Variants in DEFB112 observed in about 807,000 individuals in gnomAD.
DEFB112 encodes defensin beta 112, also known as beta-defensin 112.
A neutral mutation model predicts 1.1 loss-of-function variants in DEFB112; 2 were observed. The observed-to-expected ratio is 1.85, with a 90% confidence interval of 0.76 to 5.83. The LOEUF is 5.83. DEFB112 is among the 30% of genes most tolerant of loss of function. The probability of loss-of-function intolerance (pLI) is 0.05; values close to 1 mark genes in which losing one functional copy is unlikely to be tolerated. For missense variants in DEFB112, 120 were observed against 94.4 expected (o/e 1.27, Z -1.12); for synonymous variants, 40 against 31.2 (o/e 1.28, Z -0.93).
rs2113955903 is a variant in DEFB112, at chr6:50,042,989, A to G, written c.*586T>C. 6.6e-6 allele frequency among the ~76,000 whole-genome samples: 1 copy of G among 152,100 alleles called. No individual in the cohort carries two copies. Among genetic ancestry groups the G allele is most frequent in the South Asian group, 2.1e-4 (1 of 4,824 alleles). ...ATCGTTATTGCCACAAGCTACAGGG[A>G]TTTACCATTCTTCTTTTCCTTCCTC... On this transcript the variant is annotated 3_prime_UTR_variant, in exon 2 of 2. Coordinates refer to ENST00000651554, the MANE Select transcript of DEFB112 (RefSeq NM_001369057.2).
chr6:50,043,245 G>T lies in DEFB112; in HGVS notation c.*330C>A, dbSNP rs1582380434. 6.6e-6 allele frequency among the ~76,000 whole-genome samples: 1 copy of T among 151,902 alleles called. No homozygotes were observed. Among genetic ancestry groups the T allele is most frequent in the Non-Finnish European group, 1.5e-5 (1 of 67,944 alleles). Reference sequence around the variant, plus strand: ...GTCCCCACTCCTGAGTCTCCTCAAAGAATTCTTGATAATACCTCACTAATG... The same window carrying T: ...GTCCCCACTCCTGAGTCTCCTCAAATAATTCTTGATAATACCTCACTAATG... On this transcript the variant is annotated 3_prime_UTR_variant, in exon 2 of 2. Coordinates refer to ENST00000651554, the MANE Select transcript of DEFB112 (RefSeq NM_001369057.2).
At chr6:50,046,597 G>A (rs1300603395) in intron 1 of DEFB112, among the ~76,000 whole-genome samples, 1 of 151,920 alleles carries the variant, frequency 6.6e-6, no homozygotes, top group Non-Finnish European at 1.5e-5. Flanking sequence ...CTTTAAAGAG[G>A]TTGTTTATTC....
intron 1 of DEFB112, chr6:50,048,511 A>G (rs1774873073): frequency 6.4e-7 from 1 of 1,565,618 alleles, no homozygotes; most frequent in Non-Finnish European, 8.8e-7. Flanking sequence ...AATGTGCAAG[A>G]CACAATTCTA....
rs1774785643 is a variant in DEFB112 at position 50,043,710 on chromosome 6, T to A, written c.150A>T (p.Glu50Asp). 1 of 1,613,422 alleles carries A rather than the reference T, an allele frequency of 6.2e-7. No individual in the cohort carries two copies. The highest frequency in any genetic ancestry group is 1.3e-5 in the African/African-American group (1 of 74,884). ...GRCKNQCDDS[E>D]FRISYCARPT... ...GTCTTGCACAGTATGAAATCCTAAA[T>A]TCACTATCATCACATTGATTTTTAC... The change falls in exon 2 of 2, where the codon GAA becomes GAT. Residue 50 changes from glutamate (E) to aspartate (D), a missense_variant. Glu to Asp is a conservative substitution (Grantham distance 45). Transcript: ENST00000651554.
chr6:50,044,001 T>C (rs191105438), intron 1 of DEFB112, among the ~76,000 whole-genome samples, 200 bp from the exon 2 acceptor site: 38 of 152,238 alleles, frequency 2.5e-4, no homozygotes, highest in Admixed American at 1.0e-3. Context: ...TCCATTCTTA[T>C]GCAGTTTAAA....
In DEFB112 at chr6:50,042,351, A is replaced by G. The variant is rs1774758015; in HGVS notation, c.*1224T>C. On this transcript the variant is annotated 3_prime_UTR_variant, in exon 2 of 2. Transcript: ENST00000651554. ...TTCCCTATGTGCCCAGGTACTGTGT[A>G]CAGGATATGTTTTGGTTATAAGATT... Among the ~76,000 whole-genome samples, 1 of 152,064 alleles carries G rather than the reference A, an allele frequency of 6.6e-6. No homozygotes were observed. The highest frequency in any genetic ancestry group is 2.4e-5 in the African/African-American group (1 of 41,442).
At chr6:50,046,221 C>CTGTGTGTGTGTGTGTG (rs3057286) in intron 1 of DEFB112, among the ~76,000 whole-genome samples, 4 of 141,276 alleles carry the variant, frequency 2.8e-5, no homozygotes, top group South Asian at 4.9e-4. Flanking sequence ...TTGAGGAGCA[C>CTGTGTGTGTGTGTGTG]TGTGTGTGTG....
At chr6:50,046,661 A>G (rs1314494463) in intron 1 of DEFB112, among the ~76,000 whole-genome samples, 4 of 142,696 alleles carry the variant, frequency 2.8e-5, no homozygotes, top group Non-Finnish European at 4.8e-5. Flanking sequence ...ATTACCTAGC[A>G]TTTTCTTATT....
chr6:50,044,497 A>G (rs1305368431), intron 1 of DEFB112, among the ~76,000 whole-genome samples: 1 of 152,058 alleles, frequency 6.6e-6, no homozygotes, highest in African/African-American at 2.4e-5. Context: ...CTCACTTTAC[A>G]GCATAATTTC....
At chr6:50,048,460 T>C in intron 1 of DEFB112, 2 of 1,250,338 alleles carry the variant, frequency 1.6e-6, no homozygotes, top group Non-Finnish European at 2.3e-6. Context: ...GAGAATATAC[T>C]CAGAATATTT....
rs945551686 is a variant in DEFB112 at position 50,042,935 on chromosome 6, A to G, written c.*640T>C. On this transcript the variant is annotated 3_prime_UTR_variant, in exon 2 of 2. Coordinates refer to ENST00000651554, the MANE Select transcript of DEFB112 (RefSeq NM_001369057.2). ...AAAAACATGAAACAAAGCAAAACAA[A>G]ACAAAAAAGTTAATCATAATTTCAC... Among the ~76,000 whole-genome samples, 4 of 152,042 alleles carry G rather than the reference A, an allele frequency of 2.6e-5. No homozygotes were observed. The highest frequency in any genetic ancestry group is 1.3e-4 in the Admixed American group (2 of 15,240).
intron 1 of DEFB112, among the ~76,000 whole-genome samples, chr6:50,044,548 G>A (rs947822667): frequency 3.3e-5 from 5 of 152,022 alleles, no homozygotes; most frequent in Admixed American, 2.6e-4. Flanking sequence ...AATGATGTAT[G>A]TACCTAGATA....
rs538153689 is a variant in DEFB112, at chr6:50,042,284, C to A, written c.*1291G>T. Among the ~76,000 whole-genome samples, 1 of 151,990 alleles carries A rather than the reference C, an allele frequency of 6.6e-6. No individual in the cohort carries two copies. Among genetic ancestry groups the A allele is most frequent in the Non-Finnish European group, 1.5e-5 (1 of 67,938 alleles). ...ACTGGTCAGAGAGCATAGTATTATACATATCAGGAATATCATATATAATTT... is the reference window on the plus strand; with the variant it reads ...ACTGGTCAGAGAGCATAGTATTATAAATATCAGGAATATCATATATAATTT... On this transcript the variant is annotated 3_prime_UTR_variant, in exon 2 of 2. Transcript: ENST00000651554.
At position 50,042,907 on chromosome 6, in the gene DEFB112, A is replaced by G. The variant is rs532380866; in HGVS notation, c.*668T>C. 6.6e-6 allele frequency among the ~76,000 whole-genome samples: 1 copy of G among 152,226 alleles called. No homozygotes were observed. Among genetic ancestry groups the G allele is most frequent in the East Asian group, 1.9e-4 (1 of 5,190 alleles). ...GAATCATCTGATAATATGTGGAAAC[A>G]TTAAAAACATGAAACAAAGCAAAAC... On this transcript the variant is annotated 3_prime_UTR_variant, in exon 2 of 2. Coordinates refer to ENST00000651554, the MANE Select transcript of DEFB112 (RefSeq NM_001369057.2).
rs967360481 is a variant in DEFB112, at chr6:50,043,443, G to T, written c.*132C>A. The T allele has an allele frequency of 6.5e-6, 4 of 620,052 alleles. No homozygotes were observed. The African/African-American group carries it at 7.3e-5, about 11-fold the overall frequency. The allele number at this position is 620,052 out of a possible 1,614,324, so 38.4% of individuals were successfully genotyped here. Reference sequence around the variant, plus strand: ...AGCACAATGTTTATAAAAATGTCCAGCTGAAATATATTTTATTTAATTATT... The same window carrying T: ...AGCACAATGTTTATAAAAATGTCCATCTGAAATATATTTTATTTAATTATT... On this transcript the variant is annotated 3_prime_UTR_variant, in exon 2 of 2. Coordinates refer to ENST00000651554, the MANE Select transcript of DEFB112 (RefSeq NM_001369057.2).
In DEFB112 at chr6:50,045,694, T is replaced by A. The variant is rs1220727001; in HGVS notation, c.59-1893A>T. 3.3e-5 allele frequency among the ~76,000 whole-genome samples: 5 copies of A among 152,168 alleles called. No homozygotes were observed. The East Asian group carries it at 9.6e-4, about 29-fold the overall frequency. On this transcript the variant is annotated intron_variant, in intron 1 of 1. Coordinates refer to ENST00000651554, the MANE Select transcript of DEFB112 (RefSeq NM_001369057.2). ...ACTGTACTTACACAAATCTAGATGGTACAACCTATCACATACCTAGGCTGT... is the reference window on the plus strand; with the variant it reads ...ACTGTACTTACACAAATCTAGATGGAACAACCTATCACATACCTAGGCTGT...
chr6:50,048,482 G>A, intron 1 of DEFB112: 1 of 1,443,166 alleles, frequency 6.9e-7, no homozygotes, highest in Non-Finnish European at 9.7e-7. Context: ...CTTCATTTCA[G>A]TCAAAAAGTA....
Position 50,044,424 on chromosome 6 carries a change from C to A in DEFB112, c.59-623G>T, listed in dbSNP as rs527349566. On this transcript the variant is annotated intron_variant, in intron 1 of 1. Coordinates refer to ENST00000651554, the MANE Select transcript of DEFB112 (RefSeq NM_001369057.2). ...CTCATAATTTTCTAGTTCTACTTTG[C>A]CATTTTTCTCTTTCATCCTGAAGTT... Among the ~76,000 whole-genome samples the A allele has an allele frequency of 3.9e-5, 6 of 152,124 alleles. No individual in the cohort carries two copies. In the South Asian group the frequency reaches 1.2e-3, roughly 32 times the overall value.
In DEFB112 at chr6:50,043,457, T is replaced by C. The variant is rs1032890112; in HGVS notation, c.*118A>G. ...AAAAATGTCCAGCTGAAATATATTTTATTTAATTATTTATTCATTATAGGT... is the reference window on the plus strand; with the variant it reads ...AAAAATGTCCAGCTGAAATATATTTCATTTAATTATTTATTCATTATAGGT... On this transcript the variant is annotated 3_prime_UTR_variant, in exon 2 of 2. Transcript: ENST00000651554. The C allele has an allele frequency of 1.4e-5, 9 of 645,570 alleles. No individual in the cohort carries two copies. The highest frequency in any genetic ancestry group is 2.8e-5 in the East Asian group (1 of 36,058). The allele number at this position is 645,570 out of a possible 1,614,324, so 40.0% of individuals were successfully genotyped here.
Sources: allele counts gnomAD v4.1 joint callset (sites outside exome capture counted in the v4.1 genomes callset), GRCh38; gene constraint gnomAD v4.1.1; transcripts MANE v1.5; gene names NCBI Gene and HGNC (gene_info 2026-07-23, HGNC 2026-07-21).